The following RAP1GAP2 variants were observed in gnomAD, a reference collection of about 807,000 sequenced individuals.
RAP1GAP2 encodes RAP1 GTPase activating protein 2, also known as rap1 GTPase-activating protein 2.
A neutral mutation model predicts 95.0 loss-of-function variants in RAP1GAP2; 27 were observed. That is an observed-to-expected ratio of 0.28 (90% CI 0.21 to 0.39). The LOEUF is 0.39. Among genes scored for constraint, RAP1GAP2 ranks in the 10% least tolerant of loss-of-function variants. The pLI is 1.00. For synonymous variants in RAP1GAP2, 373 were observed against 380.9 expected (o/e 0.98, Z 0.24); for missense variants, 771 against 970.0 (o/e 0.79, Z 2.72).
intron 2 of RAP1GAP2, among the ~76,000 whole-genome samples, chr17:2,895,811 C>T (rs781642827): frequency 1.3e-5 from 2 of 152,162 alleles, no homozygotes; most frequent in Non-Finnish European, 2.9e-5. Flanking sequence ...CTCCTGACCT[C>T]TAGTGATCTG....
chr17:2,905,308 G>C lies in RAP1GAP2; in HGVS notation c.105G>C (p.Ser35=), dbSNP rs1294095561. Reference sequence around the variant, plus strand: ...GGAAGCAGGAGCTGGCCAACAGCTCGGATGCGACCCTCCCAGACCGGCCGC... The same window carrying C: ...GGAAGCAGGAGCTGGCCAACAGCTCCGATGCGACCCTCCCAGACCGGCCGC... ...KVKKQELANS[S]DATLPDRPLS... Residue 35 remains serine, a synonymous_variant, in exon 3 of 25, where the codon TCG becomes TCC. Coordinates refer to ENST00000254695, the MANE Select transcript of RAP1GAP2 (RefSeq NM_015085.5). 6.2e-7 allele frequency: 1 copy of C among 1,613,678 alleles called. No individual in the cohort carries two copies. Among genetic ancestry groups the C allele is most frequent in the Non-Finnish European group, 8.5e-7 (1 of 1,179,804 alleles).
intron 3 of RAP1GAP2, among the ~76,000 whole-genome samples, chr17:2,933,989 C>T (rs1597652193): frequency 6.6e-6 from 1 of 152,382 alleles, no homozygotes; most frequent in South Asian, 2.1e-4. Flanking sequence ...CCGATTGCCC[C>T]AAGGCAGCCA....
intron 2 of RAP1GAP2, among the ~76,000 whole-genome samples, chr17:2,822,178 T>G (rs2070332944): frequency 6.6e-6 from 1 of 152,026 alleles, no homozygotes; most frequent in African/African-American, 2.4e-5. Context: ...GTCTCTTGCA[T>G]TCACGCACAC....
intron 1 of RAP1GAP2, 56 bp from the exon 2 acceptor site, chr17:2,800,459 T>C: frequency 6.3e-7 from 1 of 1,582,182 alleles, no homozygotes; most frequent in Non-Finnish European, 8.6e-7. Flanking sequence ...ATACAGATGC[T>C]ATGTAGGAGT....
intron 3 of RAP1GAP2, among the ~76,000 whole-genome samples, chr17:2,936,562 A>G (rs145364630): frequency 3.0e-4 from 46 of 151,890 alleles, no homozygotes; most frequent in Non-Finnish European, 6.3e-4. Context: ...TGTGACCTTC[A>G]GCAGGCCAGT....
intron 2 of RAP1GAP2, among the ~76,000 whole-genome samples, chr17:2,828,389 C>A (rs1024858058): frequency 2.0e-5 from 3 of 150,884 alleles, no homozygotes; most frequent in African/African-American, 7.4e-5. Context: ...CTAGCAATGC[C>A]CAGTGACTTA....
intron 12 of RAP1GAP2, among the ~76,000 whole-genome samples, chr17:2,992,878 G>T (rs1350165703): frequency 6.6e-6 from 1 of 152,018 alleles, no homozygotes; most frequent in Non-Finnish European, 1.5e-5. Context: ...TTGGATAAGT[G>T]ACTTGACCTC....
chr17:2,880,961 T>C (rs1174837097), intron 2 of RAP1GAP2, among the ~76,000 whole-genome samples: 1 of 151,782 alleles, frequency 6.6e-6, no homozygotes, highest in Non-Finnish European at 1.5e-5. Context: ...GCCCCATCTC[T>C]ACTAAAAATA....
chr17:3,026,544 G>A (rs2047124483), intron 21 of RAP1GAP2, 80 bp downstream of exon 21: 1 of 1,156,876 alleles, frequency 8.6e-7, no homozygotes, highest in South Asian at 1.6e-5. Context: ...ACGGCACTGT[G>A]GATCGAAGCC....
intron 2 of RAP1GAP2, among the ~76,000 whole-genome samples, chr17:2,771,038 C>A (rs2068380421): frequency 6.6e-6 from 1 of 151,826 alleles, no homozygotes; most frequent in Non-Finnish European, 1.5e-5. Flanking sequence ...CAGAGGGAGA[C>A]TCTGTTTCAA....
At chr17:2,962,540 G>A (rs1597731478) in intron 4 of RAP1GAP2, 130 bp from the exon 5 acceptor site, 2 of 987,938 alleles carry the variant, frequency 2.0e-6, no homozygotes, top group East Asian at 2.7e-5. Context: ...TGTGATGTGT[G>A]CAGGCCCAGC....
rs73976766 is a variant in RAP1GAP2 at position 3,027,753 on chromosome 17, T to A, written c.2107+683T>A. ...CTGCAGCTGCTGAGTGTAGAATGGA[T>A]TAGTAGAGAGCAGGAGCAGAGGGGA... On this transcript the variant is annotated intron_variant, in intron 22 of 24. Coordinates refer to ENST00000254695, the MANE Select transcript of RAP1GAP2 (RefSeq NM_015085.5). The surrounding 1 kb of genome is among the most constrained non-coding windows in gnomAD (Gnocchi z 5.2). Among the ~76,000 whole-genome samples, 2,244 of 137,270 alleles carry A rather than the reference T, an allele frequency of 0.016. 75 individuals carry two copies. Among genetic ancestry groups the A allele is most frequent in the African/African-American group, 0.059 (2,157 of 36,496 alleles). 90.1% of individuals were successfully genotyped at this position (137,270 alleles called of 152,430 possible).
At chr17:2,982,450 TC>T (rs1346009661) in intron 10 of RAP1GAP2, among the ~76,000 whole-genome samples, 2 of 152,206 alleles carry the variant, frequency 1.3e-5, no homozygotes, top group Non-Finnish European at 2.9e-5. Flanking sequence ...ACAAACACTT[TC>T]AGTGTTCAGG....
At chr17:3,015,822 G>GA (rs11309614) in intron 17 of RAP1GAP2, among the ~76,000 whole-genome samples, 9 of 149,242 alleles carry the variant, frequency 6.0e-5, no homozygotes, top group African/African-American at 9.8e-5. Context: ...CTCTGTCTCA[G>GA]AAAAAAAAAA....
At position 3,027,516 on chromosome 17, in the gene RAP1GAP2, G is replaced by A. The variant is rs549509619; in HGVS notation, c.2107+446G>A. ...AGGGAACAGCATGTGGAAAGGCCCA[G>A]AGGAGAGGAGAGAGCGGGTATTCCG... On this transcript the variant is annotated intron_variant, in intron 22 of 24. Coordinates refer to ENST00000254695, the MANE Select transcript of RAP1GAP2 (RefSeq NM_015085.5). This position sits in a 1 kb window ranked among gnomAD's most constrained non-coding sequence, Gnocchi z 5.2. Among the ~76,000 whole-genome samples, 87 of 152,172 alleles carry A rather than the reference G, an allele frequency of 5.7e-4. No homozygotes were observed. Among genetic ancestry groups the A allele is most frequent in the Non-Finnish European group, 1.1e-3 (72 of 68,040 alleles).
At chr17:2,815,148 A>T (rs543527170) in intron 2 of RAP1GAP2, among the ~76,000 whole-genome samples, 12 of 152,136 alleles carry the variant, frequency 7.9e-5, no homozygotes, top group Non-Finnish European at 1.2e-4. Context: ...GGGGCCCAGG[A>T]AACCTGTGTG....
At chr17:2,831,650 G>A (rs1049401413) in intron 2 of RAP1GAP2, among the ~76,000 whole-genome samples, 10 of 152,068 alleles carry the variant, frequency 6.6e-5, no homozygotes, top group Admixed American at 5.2e-4. Context: ...CAGGACCGTA[G>A]GAGGCCAACG....
At chr17:2,848,571 G>A (rs987972061) in intron 2 of RAP1GAP2, among the ~76,000 whole-genome samples, 1 of 151,260 alleles carries the variant, frequency 6.6e-6, no homozygotes, top group Non-Finnish European at 1.5e-5. Flanking sequence ...CTGGAGTGCA[G>A]TGGCACGATC....
intron 1 of RAP1GAP2, among the ~76,000 whole-genome samples, chr17:2,760,453 G>T (rs2071223134): frequency 3.3e-5 from 5 of 150,606 alleles, no homozygotes; most frequent in Admixed American, 3.3e-4. Flanking sequence ...CAATTCTCCT[G>T]CCTCAGCCTC....
Sources: allele counts gnomAD v4.1 joint callset (sites outside exome capture counted in the v4.1 genomes callset), GRCh38; gene constraint gnomAD v4.1.1; non-coding constraint Gnocchi (gnomAD v3.1); transcripts MANE v1.5; gene names NCBI Gene and HGNC (gene_info 2026-07-23, HGNC 2026-07-21).